The following KCNQ1 variants were observed in gnomAD, a reference collection of about 807,000 sequenced individuals.
The protein encoded by KCNQ1 is potassium voltage-gated channel subfamily Q member 1, also known as potassium voltage-gated channel subfamily KQT member 1.
KCNQ1 carries 49 observed loss-of-function variants against 72.4 expected under a neutral mutation model. The ratio of observed to expected loss-of-function variants is 0.68; its 90% CI spans 0.54 to 0.86. The LOEUF (loss-of-function observed/expected upper bound fraction) is 0.86. Among genes scored for constraint, KCNQ1 ranks in the 40% least tolerant of loss-of-function variants. KCNQ1 has a pLI of 0.00. For missense variants in KCNQ1, 790 were observed against 945.1 expected (o/e 0.84, Z 2.15); for synonymous variants, 450 against 412.6 (o/e 1.09, Z -1.10).
rs1011031208 is a variant in KCNQ1, at chr11:2,579,110, G to A, written c.922-4325G>A. Among the ~76,000 whole-genome samples the A allele has an allele frequency of 6.6e-6, 1 of 152,174 alleles. No individual in the cohort carries two copies. The highest frequency in any genetic ancestry group is 1.5e-5 in the Non-Finnish European group (1 of 68,020). On this transcript the variant is annotated intron_variant, in intron 6 of 15. Coordinates refer to ENST00000155840, the MANE Select transcript of KCNQ1 (RefSeq NM_000218.3). The surrounding 1 kb of genome is among the most constrained non-coding windows in gnomAD (Gnocchi z 6.0). ...AAATGACTACCACGTTTCCAGCCGGGGCCAGTGAGCTCTGGGAGCCAGGGC... is the reference window on the plus strand; with the variant it reads ...AAATGACTACCACGTTTCCAGCCGGAGCCAGTGAGCTCTGGGAGCCAGGGC...
chr11:2,835,860 C>T (rs1478845109), intron 15 of KCNQ1, among the ~76,000 whole-genome samples: 1 of 152,122 alleles, frequency 6.6e-6, no homozygotes, highest in African/African-American at 2.4e-5. Flanking sequence ...CGGGAAGCCT[C>T]GTGGGGCTGT....
In KCNQ1 at chr11:2,624,874, T is replaced by A; in HGVS notation, c.1393+36020T>A. The A allele has an allele frequency of 2.5e-6, 1 of 398,612 alleles. No homozygotes were observed. Among genetic ancestry groups the A allele is most frequent in the South Asian group, 1.3e-4 (1 of 7,854 alleles). 24.7% of individuals were successfully genotyped at this position (398,612 alleles called of 1,614,324 possible). ...TGTGACTGCTGTATTTCATTTAACA[T>A]AATGGCCTCGAGGTTCATCCATGTT... On this transcript the variant is annotated intron_variant, in intron 10 of 15. Coordinates refer to ENST00000155840, the MANE Select transcript of KCNQ1 (RefSeq NM_000218.3). The surrounding 1 kb of genome is among the most constrained non-coding windows in gnomAD (Gnocchi z 4.9).
Position 2,772,421 on chromosome 11 carries a change from C to A in KCNQ1, c.1590+3502C>A, listed in dbSNP as rs1314598143. The stretch of plus-strand genomic sequence containing the variant: ...GTCAGTCTGGACAGGCCTGCATTAT[C>A]TCGGCTCATCTCAGGCTCCTGAAGT... On this transcript the variant is annotated intron_variant, in intron 12 of 15. Coordinates refer to ENST00000155840, the MANE Select transcript of KCNQ1 (RefSeq NM_000218.3). This position sits in a 1 kb window ranked among gnomAD's most constrained non-coding sequence, Gnocchi z 6.6. Among the ~76,000 whole-genome samples the A allele has an allele frequency of 6.6e-6, 1 of 152,110 alleles. No individual in the cohort carries two copies. The highest frequency in any genetic ancestry group is 2.4e-5 in the African/African-American group (1 of 41,426).
chr11:2,690,659 G>A lies in KCNQ1; in HGVS notation c.1514+28578G>A. ...AATGCGTATTTGTCAGTGTATGTGT[G>A]TCAGTGCACATAGGTATAGGGGCTG... On this transcript the variant is annotated intron_variant, in intron 11 of 15. Coordinates refer to ENST00000155840, the MANE Select transcript of KCNQ1 (RefSeq NM_000218.3). This position sits in a 1 kb window ranked among gnomAD's most constrained non-coding sequence, Gnocchi z 5.1. 1 of 398,678 alleles carries A rather than the reference G, an allele frequency of 2.5e-6. No homozygotes were observed. The highest frequency in any genetic ancestry group is 4.4e-6 in the Non-Finnish European group (1 of 226,088). The allele number at this position is 398,678 out of a possible 1,614,324, so 24.7% of individuals were successfully genotyped here. A position where few individuals can be genotyped will look rare whatever the true frequency, so the allele number is the denominator to read the frequency against.
chr11:2,794,576 G>T (rs1486948458), intron 15 of KCNQ1, among the ~76,000 whole-genome samples: 6 of 152,188 alleles, frequency 3.9e-5, no homozygotes, highest in African/African-American at 1.4e-4. Flanking sequence ...CCCCAAAGAT[G>T]CTGGACCTTA....
In KCNQ1 at chr11:2,651,345, G is replaced by T; in HGVS notation, c.1394-10616G>T. The T allele has an allele frequency of 2.5e-6, 1 of 398,748 alleles. No homozygotes were observed. Among genetic ancestry groups the T allele is most frequent in the South Asian group, 1.3e-4 (1 of 7,848 alleles). 24.7% of individuals were successfully genotyped at this position (398,748 alleles called of 1,614,324 possible). ...CTCAGAGTTCTACAAGCGGCTGAGA[G>T]AGCTGGGGTATTTATCTTTCACTAG... On this transcript the variant is annotated intron_variant, in intron 10 of 15. Transcript: ENST00000155840. The surrounding 1 kb of genome is among the most constrained non-coding windows in gnomAD (Gnocchi z 6.1).
intron 6 of KCNQ1, among the ~76,000 whole-genome samples, chr11:2,583,189 G>T (rs1444740163): frequency 6.6e-6 from 1 of 152,166 alleles, no homozygotes; most frequent in African/African-American, 2.4e-5. Context: ...CTGGCCCTTC[G>T]TGGGTGCTGG....
chr11:2,523,722 G>A (rs765605709), intron 1 of KCNQ1, among the ~76,000 whole-genome samples: 2 of 149,814 alleles, frequency 1.3e-5, no homozygotes, highest in African/African-American at 2.5e-5. Flanking sequence ...AATTCTGTTC[G>A]CTCGCCTCTG....
intron 4 of KCNQ1, 22 bp downstream of exon 4, chr11:2,571,425 C>T (rs755987914): frequency 2.8e-5 from 45 of 1,598,910 alleles, no homozygotes; most frequent in Non-Finnish European, 3.7e-5. Context: ...CCACAAGCTC[C>T]CCCCGCCATG....
chr11:2,842,129 C>T (rs1848227302), intron 15 of KCNQ1, among the ~76,000 whole-genome samples: 2 of 152,192 alleles, frequency 1.3e-5, no homozygotes, highest in Admixed American at 6.5e-5. Context: ...ATTTGGTCTG[C>T]AGCCTCTGAG....
At chr11:2,777,320 C>A (rs1846725824) in intron 14 of KCNQ1, among the ~76,000 whole-genome samples, 1 of 142,632 alleles carries the variant, frequency 7.0e-6, no homozygotes, top group African/African-American at 2.5e-5. Context: ...GAACCCAGGG[C>A]AACTTTGCAG....
chr11:2,562,768 G>C lies in KCNQ1; in HGVS notation c.478-7860G>C, dbSNP rs1258127764. ...AAGGTCCCCAGGCCTAAGTCTATGG[G>C]GGCGCCAGGGAGGCCGGCTGTGTTT... On this transcript the variant is annotated intron_variant, in intron 2 of 15. Transcript: ENST00000155840. The surrounding 1 kb of genome is among the most constrained non-coding windows in gnomAD (Gnocchi z 7.5). Among the ~76,000 whole-genome samples the C allele has an allele frequency of 6.6e-6, 1 of 152,178 alleles. No individual in the cohort carries two copies. The highest frequency in any genetic ancestry group is 6.5e-5 in the Admixed American group (1 of 15,278).
At chr11:2,646,869 T>G (rs1849674112) in intron 10 of KCNQ1, 1 of 398,560 alleles carries the variant, frequency 2.5e-6, no homozygotes. Flanking sequence ...TGAATTCCTT[T>G]ACCAGTTCTA....
chr11:2,814,016 A>G (rs1847550662), intron 15 of KCNQ1, among the ~76,000 whole-genome samples: 1 of 149,752 alleles, frequency 6.7e-6, no homozygotes, highest in Non-Finnish European at 1.5e-5. Context: ...GGATGGATGG[A>G]TGATGGATGG....
Position 2,668,274 on chromosome 11 carries a change from T to C in KCNQ1, c.1514+6193T>C, listed in dbSNP as rs927999567. 9 of 398,582 alleles carry C rather than the reference T, an allele frequency of 2.3e-5. No homozygotes were observed. Among genetic ancestry groups the C allele is most frequent in the Non-Finnish European group, 4.0e-5 (9 of 226,116 alleles). The allele number at this position is 398,582 out of a possible 1,614,324, so 24.7% of individuals were successfully genotyped here. ...TAGGTTGCTGTTTAAGAATATTCTG[T>C]ACATGCTTTTGGTGAGCATCAGGTT... On this transcript the variant is annotated intron_variant, in intron 11 of 15. Transcript: ENST00000155840. This position sits in a 1 kb window ranked among gnomAD's most constrained non-coding sequence, Gnocchi z 4.3.
Position 2,671,155 on chromosome 11 carries a change from A to G in KCNQ1, c.1514+9074A>G, listed in dbSNP as rs893527529. The stretch of plus-strand genomic sequence containing the variant: ...GGTCCCATGGGAGGCCTGAGGTGCC[A>G]TCTTAGAAATAGGGCCTTGTTAGGA... On this transcript the variant is annotated intron_variant, in intron 11 of 15. Transcript: ENST00000155840. The surrounding 1 kb of genome is among the most constrained non-coding windows in gnomAD (Gnocchi z 4.7). The G allele has an allele frequency of 2.4e-4, 97 of 398,678 alleles. No individual in the cohort carries two copies. The highest frequency in any genetic ancestry group is 1.7e-4 in the Non-Finnish European group (39 of 226,096). The allele number at this position is 398,678 out of a possible 1,614,324, so 24.7% of individuals were successfully genotyped here.
intron 10 of KCNQ1, among the ~76,000 whole-genome samples, chr11:2,605,551 C>T (rs902886044): frequency 1.1e-4 from 16 of 152,238 alleles, no homozygotes; most frequent in Admixed American, 7.8e-4. Flanking sequence ...CTATTCTTTC[C>T]GCATTGAACA....
intron 15 of KCNQ1, among the ~76,000 whole-genome samples, chr11:2,846,223 G>T (rs564679786): frequency 3.9e-5 from 6 of 152,326 alleles, no homozygotes; most frequent in Admixed American, 3.9e-4. Context: ...GCTCCCGCCT[G>T]CTGCCTGTGC....
rs1399792480 is a variant in KCNQ1 at position 2,475,268 on chromosome 11, C to T, written c.386+29784C>T. 4.6e-5 allele frequency among the ~76,000 whole-genome samples: 7 copies of T among 152,072 alleles called. No homozygotes were observed. The highest frequency in any genetic ancestry group is 3.9e-4 in the East Asian group (2 of 5,178). ...GCCCTGTGTGTCTGGTTTCCTTCAC[C>T]GAGCGTCCTGTCTTCACTGTCCGCC... On this transcript the variant is annotated intron_variant, in intron 1 of 15. Coordinates refer to ENST00000155840, the MANE Select transcript of KCNQ1 (RefSeq NM_000218.3). The surrounding 1 kb of genome is among the most constrained non-coding windows in gnomAD (Gnocchi z 5.8).
Sources: allele counts gnomAD v4.1 joint callset (sites outside exome capture counted in the v4.1 genomes callset), GRCh38; gene constraint gnomAD v4.1.1; non-coding constraint Gnocchi (gnomAD v3.1); transcripts MANE v1.5; gene names NCBI Gene and HGNC (gene_info 2026-07-23, HGNC 2026-07-21).